Variants in RHBDD1 observed in about 807,000 individuals in gnomAD.
The protein encoded by RHBDD1 is rhomboid domain containing 1.
RHBDD1 carries 38 observed loss-of-function variants against 36.3 expected under a neutral mutation model. That is an observed-to-expected ratio of 1.05 (90% CI 0.81 to 1.37). RHBDD1 has a LOEUF of 1.37. RHBDD1 is among the 40% of genes most tolerant of loss of function. The probability of loss-of-function intolerance (pLI) is 0.00; values close to 1 mark genes in which losing one functional copy is unlikely to be tolerated. For synonymous variants in RHBDD1, 151 were observed against 136.5 expected, an observed-to-expected ratio of 1.11 and a Z score of -0.74; for missense variants, 393 against 377.6, an observed-to-expected ratio of 1.04 and a Z score of -0.34.
chr2:226,902,811 T>C (rs1947704816), intron 5 of RHBDD1, among the ~76,000 whole-genome samples: 1 of 152,204 alleles, frequency 6.6e-6, no homozygotes, highest in Non-Finnish European at 1.5e-5. Flanking sequence ...TCCCTAGATA[T>C]TTGAAATTAT....
At chr2:226,885,163 A>C (rs1053181475) in intron 5 of RHBDD1, among the ~76,000 whole-genome samples, 6 of 152,176 alleles carry the variant, frequency 3.9e-5, no homozygotes, top group Admixed American at 3.9e-4. Flanking sequence ...ATGGAAAATT[A>C]AATTATTCTA....
chr2:226,927,521 G>A (rs1468596666), intron 8 of RHBDD1, among the ~76,000 whole-genome samples: 1 of 151,796 alleles, frequency 6.6e-6, no homozygotes, highest in Non-Finnish European at 1.5e-5. Context: ...ATTATATATG[G>A]TAAATTTATG....
At chr2:226,862,206 CT>C (rs1394667013) in intron 3 of RHBDD1, among the ~76,000 whole-genome samples, 8 of 152,264 alleles carry the variant, frequency 5.3e-5, no homozygotes, top group Admixed American at 5.2e-4. Context: ...GTAGTAGCTA[CT>C]GTTTATTCTG....
chr2:226,984,820 C>T (rs1956566029), intron 8 of RHBDD1, among the ~76,000 whole-genome samples: 1 of 151,096 alleles, frequency 6.6e-6, no homozygotes, highest in African/African-American at 2.4e-5. Context: ...TCTGAGTGTC[C>T]TTAGACAGCA....
the RHBDD1 span, among the ~76,000 whole-genome samples, chr2:226,822,576 A>G: frequency 6.6e-6 from 1 of 151,162 alleles, no homozygotes; most frequent in East Asian, 1.9e-4. Context: ...TGAGGTCGCA[A>G]TGAGCCGAGA....
intron 8 of RHBDD1, among the ~76,000 whole-genome samples, chr2:226,918,865 A>AT (rs1949105911): frequency 6.6e-6 from 1 of 151,982 alleles, no homozygotes; most frequent in Non-Finnish European, 1.5e-5. Context: ...GTAGCTCTAC[A>AT]TTTAGTTTTC....
chr2:226,953,767 G>T (rs547484150), intron 8 of RHBDD1, among the ~76,000 whole-genome samples: 1 of 152,290 alleles, frequency 6.6e-6, no homozygotes, highest in South Asian at 2.1e-4. Context: ...GAGGTGGGAA[G>T]ATCATTATTT....
the RHBDD1 span, among the ~76,000 whole-genome samples, chr2:226,801,382 G>T: frequency 6.6e-6 from 1 of 152,128 alleles, no homozygotes; most frequent in Non-Finnish European, 1.5e-5. Context: ...AGTAAAAAAA[G>T]AAAAAGAAGA....
the RHBDD1 span, among the ~76,000 whole-genome samples, chr2:226,815,257 T>G: frequency 6.6e-6 from 1 of 152,220 alleles, no homozygotes. Flanking sequence ...TTGGTAACTT[T>G]GAGAGCATTG....
intron 8 of RHBDD1, among the ~76,000 whole-genome samples, chr2:226,933,605 A>G (rs991941579): frequency 2.6e-5 from 4 of 151,986 alleles, no homozygotes; most frequent in African/African-American, 9.7e-5. Flanking sequence ...TTAGATTTAT[A>G]TTTGTTTAGT....
the RHBDD1 span, among the ~76,000 whole-genome samples, chr2:226,812,369 C>T: frequency 6.6e-6 from 1 of 152,204 alleles, no homozygotes; most frequent in Non-Finnish European, 1.5e-5. Context: ...ATGCTGATAA[C>T]ATTTGACCTA....
intron 8 of RHBDD1, among the ~76,000 whole-genome samples, chr2:226,982,080 C>A (rs143072784): frequency 6.6e-6 from 1 of 152,220 alleles, no homozygotes. Context: ...AACTTCCCCC[C>A]GCCCTCTTTT....
At chr2:226,811,910 A>C in the RHBDD1 span, among the ~76,000 whole-genome samples, 143 of 152,364 alleles carry the variant, frequency 9.4e-4, no homozygotes, top group Middle Eastern at 3.4e-3. Flanking sequence ...GAATTAAGTC[A>C]TGCGGACACA....
rs977388467 is a variant in RHBDD1, at chr2:226,856,729, C to T, written c.-90-7875C>T. 2.6e-5 allele frequency among the ~76,000 whole-genome samples: 4 copies of T among 152,116 alleles called. No homozygotes were observed. The South Asian group carries it at 8.3e-4, about 32-fold the overall frequency. On this transcript the variant is annotated intron_variant, in intron 3 of 8. Coordinates refer to ENST00000392062, the MANE Select transcript of RHBDD1 (RefSeq NM_001167608.3). ...TGTGTATATTTTGACCACGTTAATG[C>T]GCTATTTGTGATGCACTAATTTGCT... is the stretch of plus-strand genomic sequence containing the variant.
chr2:226,822,724 A>G, the RHBDD1 span, among the ~76,000 whole-genome samples: 2 of 152,062 alleles, frequency 1.3e-5, no homozygotes, highest in South Asian at 2.1e-4. Flanking sequence ...TCCAAAATTC[A>G]TATGTTGAAA....
chr2:226,891,326 T>G (rs1457003568), intron 5 of RHBDD1, among the ~76,000 whole-genome samples: 2 of 152,218 alleles, frequency 1.3e-5, no homozygotes, highest in African/African-American at 4.8e-5. Flanking sequence ...CGTTGCCACT[T>G]GACTCTCTCC....
At chr2:226,824,892 T>C in the RHBDD1 span, among the ~76,000 whole-genome samples, 1 of 152,214 alleles carries the variant, frequency 6.6e-6, no homozygotes. Context: ...TATGAGGTTA[T>C]GGATGTGCAT....
At chr2:226,874,879 TGTGC>T (rs1945095244) in intron 5 of RHBDD1, among the ~76,000 whole-genome samples, 3 of 152,210 alleles carry the variant, frequency 2.0e-5, no homozygotes, top group Admixed American at 2.0e-4. Flanking sequence ...AGCCTGTGCG[TGTGC>T]GCCTCTCTTC....
At chr2:226,919,408 C>T (rs993576984) in intron 8 of RHBDD1, among the ~76,000 whole-genome samples, 2 of 152,048 alleles carry the variant, frequency 1.3e-5, no homozygotes, top group African/African-American at 2.4e-5. Context: ...ATCCAATGTC[C>T]TGGAGAGATT....
Sources: gnomAD v4.1 joint callset for allele counts (sites outside exome capture counted in the v4.1 genomes callset) on GRCh38, gnomAD v4.1.1 for gene constraint, MANE v1.5 for transcripts, NCBI Gene and HGNC (gene_info 2026-07-23, HGNC 2026-07-21) for gene names.